Variants in FER observed in about 807,000 individuals in gnomAD.
The protein encoded by FER is FER tyrosine kinase, also known as tyrosine-protein kinase Fer.
FER carries 63 observed loss-of-function variants against 111.0 expected under a neutral mutation model. The ratio of observed to expected loss-of-function variants is 0.57; its 90% confidence interval spans 0.46 to 0.70. The LOEUF is 0.70. FER is among the 30% of genes least tolerant of loss of function. The probability of loss-of-function intolerance (pLI) is 0.00; values close to 1 mark genes in which losing one functional copy is unlikely to be tolerated. For synonymous variants in FER, 327 were observed against 313.9 expected (o/e 1.04, Z -0.44); for missense variants, 914 against 954.0 (o/e 0.96, Z 0.55).
At chr5:109,051,332 G>T in intron 16 of FER, 2 of 1,601,072 alleles carry the variant, frequency 1.2e-6, no homozygotes, top group Non-Finnish European at 1.7e-6. Context: ...AGGTCATCAG[G>T]CTGAGGCCTG....
intron 9 of FER, among the ~76,000 whole-genome samples, chr5:108,890,393 G>A (rs1304018452): frequency 6.6e-6 from 1 of 152,050 alleles, no homozygotes; most frequent in Non-Finnish European, 1.5e-5. Context: ...GAGGGTGAAA[G>A]TATGTAATGA....
chr5:109,180,319 G>A (rs1758155500), intron 17 of FER, among the ~76,000 whole-genome samples: 1 of 152,160 alleles, frequency 6.6e-6, no homozygotes, highest in Non-Finnish European at 1.5e-5. Context: ...GTAACTAAAA[G>A]TATATAAAAT....
At chr5:109,096,648 A>G (rs954475604) in intron 16 of FER, among the ~76,000 whole-genome samples, 1 of 145,488 alleles carries the variant, frequency 6.9e-6, no homozygotes, top group Admixed American at 6.9e-5. Context: ...TTTGCCTCTC[A>G]GTGTTATCTA....
intron 8 of FER, among the ~76,000 whole-genome samples, chr5:108,875,132 A>G (rs1161938620): frequency 6.6e-6 from 1 of 152,172 alleles, no homozygotes; most frequent in Non-Finnish European, 1.5e-5. Context: ...ATCAAGGTCT[A>G]AATACATAGG....
chr5:109,134,869 A>G (rs1430569949), intron 17 of FER, among the ~76,000 whole-genome samples: 1 of 152,236 alleles, frequency 6.6e-6, no homozygotes, highest in African/African-American at 2.4e-5. Flanking sequence ...GGACATGGCT[A>G]AGGCAAAGAG....
rs1751934342 is a variant in FER at position 108,914,169 on chromosome 5, T to A, written c.1236+16321T>A. 3.9e-5 allele frequency among the ~76,000 whole-genome samples: 6 copies of A among 151,986 alleles called. No individual in the cohort carries two copies. In the South Asian group the frequency reaches 1.2e-3, roughly 32 times the overall value. ...TCATCTTGTACTTCAATGAAAAAATTTAGAAAAAAATTGTTCTAACTTAGC... is the reference window on the plus strand; with the variant it reads ...TCATCTTGTACTTCAATGAAAAAATATAGAAAAAAATTGTTCTAACTTAGC... On this transcript the variant is annotated intron_variant, in intron 10 of 19. Transcript: ENST00000281092.
intron 2 of FER, among the ~76,000 whole-genome samples, chr5:108,774,839 G>C (rs1169739573): frequency 6.6e-6 from 1 of 151,846 alleles, no homozygotes; most frequent in African/African-American, 2.4e-5. Context: ...CCATTCTGTA[G>C]GTTGCCTGTT....
chr5:108,795,160 C>G (rs980752880), intron 2 of FER, among the ~76,000 whole-genome samples: 2 of 152,004 alleles, frequency 1.3e-5, no homozygotes, highest in Non-Finnish European at 2.9e-5. Context: ...CCCTTCTTTA[C>G]AAAAAAATTT....
chr5:108,946,321 TATATGTATATACATA>T, intron 11 of FER, 99 bp downstream of exon 11: 1 of 743,556 alleles, frequency 1.3e-6, no homozygotes. Context: ...TGTGTGTATA[TATATGTATATACATA>T]TATAAATTTG....
Position 108,838,671 on chromosome 5 carries a change from C to G in FER, c.481+2864C>G, listed in dbSNP as rs115708619. On this transcript the variant is annotated intron_variant, in intron 5 of 19. Coordinates refer to ENST00000281092, the MANE Select transcript of FER (RefSeq NM_005246.4). ...TAAAATTTATATACAAAGGAACACT[C>G]GTTTATGTTTAGTATAATGTAAAAT... Among the ~76,000 whole-genome samples the G allele has an allele frequency of 8.3e-3, 1,269 of 152,088 alleles. 18 individuals are homozygous for G. The highest frequency in any genetic ancestry group is 0.069 in the South Asian group (331 of 4,820).
At chr5:108,780,283 T>C (rs150065490) in intron 2 of FER, among the ~76,000 whole-genome samples, 73 of 152,316 alleles carry the variant, frequency 4.8e-4, no homozygotes, top group African/African-American at 1.7e-3. Context: ...AAGTTGGATC[T>C]ACTGGCAACA....
intron 16 of FER, among the ~76,000 whole-genome samples, chr5:109,088,636 A>G (rs1313722684): frequency 6.6e-6 from 1 of 152,076 alleles, no homozygotes; most frequent in Non-Finnish European, 1.5e-5. Context: ...GAGGAAGTCA[A>G]AGTTTTATTG....
chr5:109,002,468 T>C (rs541468991), intron 13 of FER, among the ~76,000 whole-genome samples: 3 of 151,464 alleles, frequency 2.0e-5, no homozygotes, highest in African/African-American at 4.9e-5. Flanking sequence ...ATACAAAAAT[T>C]AATTCAAGAT....
chr5:108,756,720 G>A, intron 1 of FER, among the ~76,000 whole-genome samples: 1 of 151,910 alleles, frequency 6.6e-6, no homozygotes, highest in East Asian at 1.9e-4. Context: ...TCTTTATGTA[G>A]ATTTATATAC....
rs1753455236 is a variant in FER, at chr5:108,776,123, T to G, written c.-60+7885T>G. ...AATATAACTTGAACCATAAACTAAT[T>G]TTGATAGGTTTTTATTAGTCAAGGA... On this transcript the variant is annotated intron_variant, in intron 2 of 19. Coordinates refer to ENST00000281092, the MANE Select transcript of FER (RefSeq NM_005246.4). Among the ~76,000 whole-genome samples, 4 of 152,198 alleles carry G rather than the reference T, an allele frequency of 2.6e-5. No individual in the cohort carries two copies. The South Asian group carries it at 8.3e-4, about 31-fold the overall frequency.
chr5:109,159,258 T>C (rs1755736615), intron 17 of FER, among the ~76,000 whole-genome samples: 1 of 152,178 alleles, frequency 6.6e-6, no homozygotes, highest in South Asian at 2.1e-4. Context: ...AAAACCCTAC[T>C]CTTCTTTCAA....
At chr5:108,811,918 G>T (rs762463234) in intron 3 of FER, among the ~76,000 whole-genome samples, 2 of 151,448 alleles carry the variant, frequency 1.3e-5, no homozygotes, top group Non-Finnish European at 3.0e-5. Context: ...GCTTGTCATC[G>T]AATCTTCTGG....
At chr5:109,114,923 A>G (rs1383515348) in intron 17 of FER, among the ~76,000 whole-genome samples, 1 of 151,912 alleles carries the variant, frequency 6.6e-6, no homozygotes, top group Non-Finnish European at 1.5e-5. Flanking sequence ...TGTTTTACCA[A>G]CTACTTTTGT....
intron 13 of FER, among the ~76,000 whole-genome samples, chr5:109,023,359 A>G (rs915695514): frequency 2.0e-5 from 3 of 152,150 alleles, no homozygotes; most frequent in Non-Finnish European, 4.4e-5. Flanking sequence ...TGAGAGTTCT[A>G]TTGTGAACAT....
Sources: gnomAD v4.1 joint callset for allele counts (sites outside exome capture counted in the v4.1 genomes callset) on GRCh38, gnomAD v4.1.1 for gene constraint, MANE v1.5 for transcripts, NCBI Gene and HGNC (gene_info 2026-07-23, HGNC 2026-07-21) for gene names.